NOL4: variants seen among roughly 807,000 people sequenced by gnomAD.
The protein encoded by NOL4 is cancer/testis antigen 125.
In NOL4, 17 loss-of-function variants were observed where a neutral mutation model predicts 75.9. That is an observed-to-expected ratio of 0.22 (90% CI 0.15 to 0.34). The LOEUF (loss-of-function observed/expected upper bound fraction) is 0.34, where lower values mean the gene tolerates loss of function less well. Ranked by LOEUF, NOL4 falls within the 10% of genes least tolerant of loss-of-function variation. The pLI is 1.00. For missense variants in NOL4, 614 were observed against 793.5 expected (o/e 0.77, Z 2.72); for synonymous variants, 292 against 289.9 (o/e 1.01, Z -0.07).
At chr18:34,017,449 T>C (rs932902534) in intron 6 of NOL4, among the ~76,000 whole-genome samples, 1 of 152,154 alleles carries the variant, frequency 6.6e-6, no homozygotes, top group Non-Finnish European at 1.5e-5. Context: ...AACAGAGCCA[T>C]CACTTCCATG....
rs768251147 is a variant in NOL4 at position 33,852,974 on chromosome 18, T to C, written c.1785A>G (p.Ser595=). The change falls in exon 11 of 11, where the codon TCA becomes TCG. Residue 595 remains serine, a synonymous_variant. Coordinates refer to ENST00000261592, the MANE Select transcript of NOL4 (RefSeq NM_003787.5). ...LATSSGSSSS[S]NSRPQLSPTE... ...TTGGACTCAGCTGGGGTCTGGAGTT[T>C]GAGCTGCTGGAGGATCCTGAGCTAG... 2.5e-6 allele frequency: 4 copies of C among 1,613,138 alleles called. No homozygotes were observed. The highest frequency in any genetic ancestry group is 3.4e-6 in the Non-Finnish European group (4 of 1,179,410).
chr18:34,068,394 T>A (rs2077370386), intron 5 of NOL4, among the ~76,000 whole-genome samples: 1 of 152,096 alleles, frequency 6.6e-6, no homozygotes, highest in African/African-American at 2.4e-5. Context: ...TAAAATTTTT[T>A]AATTTTTTAA....
intron 10 of NOL4, among the ~76,000 whole-genome samples, chr18:33,861,773 T>C (rs988784162): frequency 3.9e-5 from 6 of 151,908 alleles, no homozygotes; most frequent in African/African-American, 1.5e-4. Flanking sequence ...TAAAAGAGGA[T>C]ACAAACAAAT....
At chr18:34,131,073 G>GACACACACAC (rs35968611) in intron 1 of NOL4, among the ~76,000 whole-genome samples, 40 of 145,436 alleles carry the variant, frequency 2.8e-4, no homozygotes, top group African/African-American at 8.6e-4. Flanking sequence ...CACATACACC[G>GACACACACAC]ACACACACAC....
At chr18:34,084,893 T>A (rs1344239459) in intron 5 of NOL4, among the ~76,000 whole-genome samples, 1 of 152,212 alleles carries the variant, frequency 6.6e-6, no homozygotes. Flanking sequence ...GAAATTGCTT[T>A]GCCTAAAGGC....
intron 1 of NOL4, chr18:34,222,195 G>A: frequency 6.9e-7 from 1 of 1,452,870 alleles, no homozygotes; most frequent in Non-Finnish European, 9.0e-7. Flanking sequence ...GCGGCGCCTG[G>A]GCTAGAGCTT....
chr18:34,070,087 A>T (rs1476360427), intron 5 of NOL4, among the ~76,000 whole-genome samples: 1 of 152,200 alleles, frequency 6.6e-6, no homozygotes, highest in Non-Finnish European at 1.5e-5. Flanking sequence ...GCTGGAGTGC[A>T]TTGGCGCAAT....
chr18:33,927,693 T>C (rs1293902370), intron 9 of NOL4, among the ~76,000 whole-genome samples: 3 of 152,198 alleles, frequency 2.0e-5, no homozygotes, highest in African/African-American at 7.2e-5. Context: ...TGATTATATT[T>C]TGGAAAGATT....
chr18:34,187,786 A>T (rs1252198939), intron 1 of NOL4, among the ~76,000 whole-genome samples: 1 of 152,204 alleles, frequency 6.6e-6, no homozygotes, highest in Admixed American at 6.5e-5. Context: ...GGTTTTAAAA[A>T]TTTATTTAAA....
intron 5 of NOL4, among the ~76,000 whole-genome samples, chr18:34,030,691 T>C (rs1002043473): frequency 1.3e-5 from 2 of 152,114 alleles, no homozygotes; most frequent in Non-Finnish European, 1.5e-5. Context: ...TAGTTTCAAA[T>C]AATAGCTAGA....
In NOL4 at chr18:33,852,043, A is replaced by T. The variant is rs988145430; in HGVS notation, c.*799T>A. On this transcript the variant is annotated 3_prime_UTR_variant, in exon 11 of 11. Coordinates refer to ENST00000261592, the MANE Select transcript of NOL4 (RefSeq NM_003787.5). Reference sequence around the variant, plus strand: ...ACATGTCTTGTCATTATTAAAAAAAAAATTCTGGGATGAAAACTGCTATGA... The same window carrying T: ...ACATGTCTTGTCATTATTAAAAAAATAATTCTGGGATGAAAACTGCTATGA... 1.3e-5 allele frequency: 2 copies of T among 152,384 alleles called. No homozygotes were observed. Among genetic ancestry groups the T allele is most frequent in the Admixed American group, 1.3e-4 (2 of 15,230 alleles). 9.4% of individuals were successfully genotyped at this position (152,384 alleles called of 1,614,324 possible).
At chr18:33,934,702 C>T (rs1463618570) in intron 9 of NOL4, among the ~76,000 whole-genome samples, 1 of 152,096 alleles carries the variant, frequency 6.6e-6, no homozygotes, top group African/African-American at 2.4e-5. Context: ...CTCTCTTACT[C>T]TTCATAGAAT....
intron 6 of NOL4, 41 bp downstream of exon 6, chr18:34,019,277 T>G (rs778788101): frequency 6.3e-7 from 1 of 1,583,854 alleles, no homozygotes; most frequent in Non-Finnish European, 8.6e-7. Flanking sequence ...GTGACCTTCA[T>G]GACCAACTCA....
At chr18:34,073,156 T>C (rs1318825624) in intron 5 of NOL4, among the ~76,000 whole-genome samples, 1 of 151,908 alleles carries the variant, frequency 6.6e-6, no homozygotes, top group Non-Finnish European at 1.5e-5. Context: ...ATTAATAAAA[T>C]TGATAACCCC....
chr18:34,079,052 C>T (rs1163183347), intron 5 of NOL4, among the ~76,000 whole-genome samples: 1 of 152,044 alleles, frequency 6.6e-6, no homozygotes, highest in Non-Finnish European at 1.5e-5. Context: ...GGGAAGGAAA[C>T]CGGGGCCAAA....
intron 10 of NOL4, among the ~76,000 whole-genome samples, chr18:33,868,721 G>A (rs1476282380): frequency 4.0e-5 from 6 of 149,456 alleles, no homozygotes; most frequent in South Asian, 4.3e-4. Context: ...AAATTTGGTA[G>A]TTTATTCCAC....
chr18:33,897,622 A>G (rs2065488256), intron 9 of NOL4, among the ~76,000 whole-genome samples: 2 of 152,174 alleles, frequency 1.3e-5, no homozygotes, highest in East Asian at 3.9e-4. Flanking sequence ...GGAAGGTGGG[A>G]GGAGGAAGAG....
At chr18:34,193,392 G>A (rs2035064030) in intron 1 of NOL4, among the ~76,000 whole-genome samples, 2 of 152,022 alleles carry the variant, frequency 1.3e-5, no homozygotes, top group African/African-American at 4.8e-5. Flanking sequence ...AAATATATAA[G>A]GAACTCAACT....
intron 9 of NOL4, among the ~76,000 whole-genome samples, chr18:33,928,128 C>T (rs1352703229): frequency 2.0e-5 from 3 of 152,086 alleles, no homozygotes; most frequent in Non-Finnish European, 4.4e-5. Flanking sequence ...GTCAGGTCTT[C>T]GTTTATCCAC....
Sources: gnomAD v4.1 joint callset for allele counts (sites outside exome capture counted in the v4.1 genomes callset) on GRCh38, gnomAD v4.1.1 for gene constraint, MANE v1.5 for transcripts, NCBI Gene and HGNC (gene_info 2026-07-23, HGNC 2026-07-21) for gene names.